CLSTN1: variants seen among roughly 807,000 people sequenced by gnomAD.
The protein encoded by CLSTN1 is calsyntenin 1, also known as calsyntenin-1.
In CLSTN1, 28 loss-of-function variants were observed where a neutral mutation model predicts 108.3. The observed-to-expected ratio is 0.26, with a 90% CI of 0.19 to 0.35. The LOEUF is 0.35. Ranked by LOEUF, CLSTN1 falls within the 10% of genes least tolerant of loss-of-function variation. The pLI is 1.00. For synonymous variants in CLSTN1, 524 were observed against 534.9 expected, an observed-to-expected ratio of 0.98 and a Z score of 0.28; for missense variants, 1,157 against 1,302.6, an observed-to-expected ratio of 0.89 and a Z score of 1.72.
At chr1:9,731,539 C>T (rs1160346517) in intron 17 of CLSTN1, 149 bp from the exon 18 acceptor site, 3 of 997,176 alleles carry the variant, frequency 3.0e-6, no homozygotes, top group East Asian at 2.6e-5. Flanking sequence ...AGGAAAAGCT[C>T]GCCATGGGCC....
intron 1 of CLSTN1, among the ~76,000 whole-genome samples, chr1:9,810,555 A>C (rs1557725838): frequency 6.6e-6 from 1 of 150,954 alleles, no homozygotes; most frequent in Non-Finnish European, 1.5e-5. Context: ...CAGATAGATC[A>C]CCTGTAGTCA....
At chr1:9,762,588 G>A (rs1170266345) in intron 2 of CLSTN1, among the ~76,000 whole-genome samples, 6 of 148,200 alleles carry the variant, frequency 4.0e-5, no homozygotes, top group Non-Finnish European at 5.9e-5. Context: ...CGCACTCAAC[G>A]GCTCTGCTCC....
chr1:9,756,546 C>T (rs546678413), intron 2 of CLSTN1, 36 bp from the exon 3 acceptor site: 24 of 1,593,078 alleles, frequency 1.5e-5, no homozygotes, highest in South Asian at 1.0e-4. Context: ...GTCAGTAATA[C>T]AGGAAAGAAT....
At chr1:9,802,480 T>C (rs1299604349) in intron 1 of CLSTN1, among the ~76,000 whole-genome samples, 3 of 152,204 alleles carry the variant, frequency 2.0e-5, no homozygotes, top group Non-Finnish European at 4.4e-5. Context: ...ATAATGTGAC[T>C]TTGTTAACAG....
At chr1:9,731,456 T>A (rs1650387366) in intron 17 of CLSTN1, 66 bp from the exon 18 acceptor site, 22 of 1,523,606 alleles carry the variant, frequency 1.4e-5, no homozygotes, top group Admixed American at 5.3e-5. Context: ...GCCCTTGACC[T>A]CCTCGGCTGT....
intron 1 of CLSTN1, among the ~76,000 whole-genome samples, chr1:9,813,113 C>G (rs1294595905): frequency 6.6e-6 from 1 of 150,918 alleles, no homozygotes. Flanking sequence ...TGCAGTGAGC[C>G]GAGAGTACAC....
chr1:9,788,541 C>T (rs1445882131), intron 1 of CLSTN1, among the ~76,000 whole-genome samples: 1 of 150,358 alleles, frequency 6.7e-6, no homozygotes, highest in African/African-American at 2.4e-5. Context: ...GTACTCCAGC[C>T]TGGGTGACAG....
chr1:9,767,659 C>G (rs912017926), intron 2 of CLSTN1, among the ~76,000 whole-genome samples: 5 of 152,048 alleles, frequency 3.3e-5, no homozygotes, highest in African/African-American at 4.8e-5. Context: ...CCACCACCAT[C>G]ACCACCCTCC....
chr1:9,756,501 T>G lies in CLSTN1; in HGVS notation c.224A>C (p.Glu75Ala), dbSNP rs1651810898. The change falls in exon 3 of 19, where the codon GAG (glutamate) becomes GCG (alanine). Residue 75 changes from glutamate to alanine, a missense_variant. Coordinates refer to ENST00000377298, the MANE Select transcript of CLSTN1 (RefSeq NM_001009566.3). ...DAPLRFAESF[E>A]VTVTKEGEIC... ...ATCACCTTCTTTGGTGACTGTCACCTCAAAACTCTCTAAAGGGAGAAAAGA... is the reference window on the plus strand; with the variant it reads ...ATCACCTTCTTTGGTGACTGTCACCGCAAAACTCTCTAAAGGGAGAAAAGA... The G allele has an allele frequency of 6.2e-7, 1 of 1,612,348 alleles. No individual in the cohort carries two copies. The highest frequency in any genetic ancestry group is 8.5e-7 in the Non-Finnish European group (1 of 1,178,670).
intron 1 of CLSTN1, among the ~76,000 whole-genome samples, chr1:9,797,735 G>A (rs180790122): frequency 6.6e-6 from 1 of 152,150 alleles, no homozygotes; most frequent in African/African-American, 2.4e-5. Flanking sequence ...GCTAGGAAAT[G>A]AAAGAAGCTG....
intron 1 of CLSTN1, among the ~76,000 whole-genome samples, chr1:9,796,420 TA>T (rs1172988321): frequency 1.3e-5 from 2 of 149,378 alleles, no homozygotes; most frequent in Admixed American, 6.8e-5. Flanking sequence ...CTCACGCCTG[TA>T]ATCCCAGCAC....
chr1:9,755,130 C>T lies in CLSTN1; in HGVS notation c.424G>A (p.Val142Met). 2 of 1,610,172 alleles carry T rather than the reference C, an allele frequency of 1.2e-6. No individual in the cohort carries two copies. Among genetic ancestry groups the T allele is most frequent in the African/African-American group, 2.7e-5 (2 of 74,912 alleles). The change falls in exon 4 of 19, where the codon GTG (valine) becomes ATG (methionine). Residue 142 changes from valine to methionine, a missense_variant. Coordinates refer to ENST00000377298, the MANE Select transcript of CLSTN1 (RefSeq NM_001009566.3). ...DCGKGPDGTNVKKSHKATVHI... is the reference protein window; with the variant it reads ...DCGKGPDGTNMKKSHKATVHI... ...CTTACTTACTTATGAGACTTTTTCACGTTGGTGCCATCAGGTCCCTTCCCA... is the reference window on the plus strand; with the variant it reads ...CTTACTTACTTATGAGACTTTTTCATGTTGGTGCCATCAGGTCCCTTCCCA...
At chr1:9,756,441 GTTAATA>G in intron 3 of CLSTN1, 34 bp downstream of exon 3, 1 of 1,567,482 alleles carries the variant, frequency 6.4e-7, no homozygotes, top group Non-Finnish European at 8.8e-7. Flanking sequence ...AAGTTAGTGG[GTTAATA>G]TTCATAAGAG....
intron 1 of CLSTN1, among the ~76,000 whole-genome samples, chr1:9,817,898 T>C (rs1239180498): frequency 2.0e-5 from 3 of 152,076 alleles, no homozygotes; most frequent in Admixed American, 6.6e-5. Context: ...AGACGGGTAT[T>C]GTATGTCAGG....
chr1:9,735,409 C>A lies in CLSTN1; in HGVS notation c.1883+58G>T, dbSNP rs962848529. On this transcript the variant is annotated intron_variant, in intron 13 of 18. Transcript: ENST00000377298. The stretch of plus-strand genomic sequence containing the variant: ...AGAAGGGGTTAGGCTGTCTTAAAAA[C>A]CTAAATATACAAGTGTCATTGGGCA... 4.2e-5 allele frequency: 67 copies of A among 1,610,864 alleles called. No individual in the cohort carries two copies. In the Admixed American group the frequency reaches 1.1e-3, roughly 26 times the overall value.
At chr1:9,808,927 A>C (rs1328631543) in intron 1 of CLSTN1, among the ~76,000 whole-genome samples, 1 of 151,686 alleles carries the variant, frequency 6.6e-6, no homozygotes, top group Non-Finnish European at 1.5e-5. Context: ...CCTGCATTCT[A>C]GATATAACAG....
intron 1 of CLSTN1, among the ~76,000 whole-genome samples, chr1:9,804,081 G>A (rs1375096627): frequency 1.3e-5 from 2 of 152,020 alleles, no homozygotes; most frequent in Non-Finnish European, 2.9e-5. Flanking sequence ...AAAGGCGAGG[G>A]GCCGGGTACG....
intron 2 of CLSTN1, among the ~76,000 whole-genome samples, chr1:9,769,007 CAGA>C (rs1336740130): frequency 1.1e-5 from 1 of 90,920 alleles, no homozygotes; most frequent in African/African-American, 4.5e-5. Context: ...GAGGGGGGAA[CAGA>C]AGGAGGGAAT....
chr1:9,778,756 TGTAATCTTA>T (rs1439812273), intron 1 of CLSTN1, among the ~76,000 whole-genome samples: 1 of 152,078 alleles, frequency 6.6e-6, no homozygotes, highest in Non-Finnish European at 1.5e-5. Flanking sequence ...GGCTCACGCC[TGTAATCTTA>T]GCACTTTGGG....
Sources: allele counts gnomAD v4.1 joint callset (sites outside exome capture counted in the v4.1 genomes callset), GRCh38; gene constraint gnomAD v4.1.1; transcripts MANE v1.5; gene names NCBI Gene and HGNC (gene_info 2026-07-23, HGNC 2026-07-21).